Variants in TMC2 observed in about 807,000 individuals in gnomAD.
The protein encoded by TMC2 is transmembrane channel-like protein 2.
Under a neutral mutation model 105.9 loss-of-function variants are expected in TMC2, and 102 were observed. That is an observed-to-expected ratio of 0.96 (90% CI 0.82 to 1.14). The LOEUF is 1.14. Ranked by LOEUF, TMC2 falls within the 50% of genes most tolerant of loss-of-function variation. TMC2 has a pLI of 0.00. For missense variants in TMC2, 1,093 were observed against 1,134.3 expected, an observed-to-expected ratio of 0.96 and a Z score of 0.52; for synonymous variants, 402 against 422.8, an observed-to-expected ratio of 0.95 and a Z score of 0.60.
chr20:2,537,783 G>C (rs2085860540), intron 2 of TMC2, among the ~76,000 whole-genome samples: 1 of 152,162 alleles, frequency 6.6e-6, no homozygotes, highest in African/African-American at 2.4e-5. Context: ...ACTTGCTCCA[G>C]GAGAAGTGGG....
chr20:2,584,953 C>T (rs966671038), intron 7 of TMC2, among the ~76,000 whole-genome samples: 1 of 152,162 alleles, frequency 6.6e-6, no homozygotes, highest in Non-Finnish European at 1.5e-5. Flanking sequence ...TTCTCTAGTA[C>T]CCACATTGCA....
At chr20:2,547,518 A>G (rs2085932519) in intron 2 of TMC2, among the ~76,000 whole-genome samples, 1 of 152,184 alleles carries the variant, frequency 6.6e-6, no homozygotes, top group South Asian at 2.1e-4. Flanking sequence ...CCTAACAACA[A>G]TGTATCAAAT....
At chr20:2,554,405 C>T (rs957884517) in intron 2 of TMC2, among the ~76,000 whole-genome samples, 2 of 152,184 alleles carry the variant, frequency 1.3e-5, no homozygotes, top group African/African-American at 4.8e-5. Context: ...TCTATGATTT[C>T]ATGCTTCTCT....
chr20:2,570,385 T>C (rs1389192064), intron 4 of TMC2, among the ~76,000 whole-genome samples: 2 of 151,872 alleles, frequency 1.3e-5, no homozygotes, highest in African/African-American at 4.8e-5. Context: ...AAATCAATAA[T>C]ACAATCCCAT....
chr20:2,619,144 G>A (rs138581577), intron 16 of TMC2, among the ~76,000 whole-genome samples: 18 of 152,298 alleles, frequency 1.2e-4, no homozygotes, highest in African/African-American at 4.3e-4. Flanking sequence ...AGAATCCAAA[G>A]GAGGAAGGAG....
intron 10 of TMC2, among the ~76,000 whole-genome samples, chr20:2,600,986 G>GAAA (rs55710696): frequency 1.9e-4 from 17 of 90,558 alleles, no homozygotes; most frequent in African/African-American, 2.6e-4. Flanking sequence ...GACTGTCTCA[G>GAAA]AAAAAAAAAA....
chr20:2,622,099 T>C (rs932349511), intron 16 of TMC2, among the ~76,000 whole-genome samples: 2 of 152,220 alleles, frequency 1.3e-5, no homozygotes, highest in Non-Finnish European at 2.9e-5. Flanking sequence ...AATGCCATCA[T>C]GCTATAACTG....
chr20:2,549,602 G>A (rs1426360792), intron 2 of TMC2, among the ~76,000 whole-genome samples: 1 of 151,960 alleles, frequency 6.6e-6, no homozygotes, highest in Non-Finnish European at 1.5e-5. Context: ...AATTAGCCAG[G>A]CATGGTGGCG....
intron 7 of TMC2, among the ~76,000 whole-genome samples, chr20:2,580,542 G>A (rs1051235384): frequency 1.3e-5 from 2 of 152,044 alleles, no homozygotes; most frequent in African/African-American, 4.8e-5. Context: ...AAAAAACTTG[G>A]ATTTGACTAT....
intron 2 of TMC2, among the ~76,000 whole-genome samples, chr20:2,552,030 G>T (rs2085959749): frequency 6.6e-6 from 1 of 152,120 alleles, no homozygotes; most frequent in African/African-American, 2.4e-5. Context: ...AAGCCAAACT[G>T]GGAGGATTGT....
chr20:2,538,875 C>A (rs766529828), intron 2 of TMC2, among the ~76,000 whole-genome samples: 4 of 152,176 alleles, frequency 2.6e-5, no homozygotes, highest in Non-Finnish European at 5.9e-5. Context: ...GAGTCACCTG[C>A]GACGGGACCT....
intron 2 of TMC2, among the ~76,000 whole-genome samples, chr20:2,555,146 T>C (rs1236675942): frequency 6.6e-6 from 1 of 152,178 alleles, no homozygotes; most frequent in Non-Finnish European, 1.5e-5. Flanking sequence ...AATGGTGCCA[T>C]CTCTCCTCAC....
At chr20:2,639,142 G>A (rs965464523) in intron 19 of TMC2, among the ~76,000 whole-genome samples, 10 of 152,150 alleles carry the variant, frequency 6.6e-5, no homozygotes, top group African/African-American at 1.2e-4. Flanking sequence ...TGATCCGCCC[G>A]CCTCGGCCTC....
At chr20:2,573,220 T>C (rs2086115748) in intron 5 of TMC2, among the ~76,000 whole-genome samples, 1 of 152,202 alleles carries the variant, frequency 6.6e-6, no homozygotes, top group South Asian at 2.1e-4. Context: ...AGTTCCACCA[T>C]AGTGTATTGA....
chr20:2,624,528 A>C (rs1209744680), intron 17 of TMC2, 132 bp downstream of exon 17: 1 of 1,108,354 alleles, frequency 9.0e-7, no homozygotes, highest in Admixed American at 2.4e-5. Context: ...ACAAGGATTC[A>C]AGTGTAAGTA....
intron 16 of TMC2, 124 bp from the exon 17 acceptor site, chr20:2,624,147 C>T (rs2086547008): frequency 1.8e-6 from 2 of 1,098,342 alleles, no homozygotes; most frequent in Non-Finnish European, 1.3e-6. Context: ...GAGCAGAGCT[C>T]TGGTTCTTCC....
chr20:2,582,488 G>T (rs6037020), intron 7 of TMC2, among the ~76,000 whole-genome samples: 8,770 of 152,014 alleles, frequency 0.058, 531 homozygotes, highest in African/African-American at 0.15. Flanking sequence ...TATATATATA[G>T]AGAGAGAGAC....
In TMC2 at chr20:2,641,231, C is replaced by A. The variant is rs1363599068; in HGVS notation, c.2601C>A (p.Ala867=). 25 of 1,614,080 alleles carry A rather than the reference C, an allele frequency of 1.5e-5. No homozygotes were observed. Among genetic ancestry groups the A allele is most frequent in the African/African-American group, 2.7e-5 (2 of 74,928 alleles). ...CTGCCAGCAGGACCACACTGCCTGC[C>A]TCTGGACACCTTCCTATATCTCGGC... ...SNSASRTTLP[A]SGHLPISRPP... Residue 867 remains alanine, a synonymous_variant, in exon 20 of 20, where the codon GCC becomes GCA. Transcript: ENST00000358864.
At chr20:2,595,141 TG>T (rs1388245822) in intron 9 of TMC2, among the ~76,000 whole-genome samples, 174 bp downstream of exon 9, 1 of 152,166 alleles carries the variant, frequency 6.6e-6, no homozygotes, top group African/African-American at 2.4e-5. Flanking sequence ...CCAGGCCATG[TG>T]GGATGTGCTG....
Sources: allele counts gnomAD v4.1 joint callset (sites outside exome capture counted in the v4.1 genomes callset), GRCh38; gene constraint gnomAD v4.1.1; transcripts MANE v1.5; gene names NCBI Gene and HGNC (gene_info 2026-07-23, HGNC 2026-07-21).